The following CHRNA9 variants were observed in gnomAD, a reference collection of about 807,000 sequenced individuals.
The protein encoded by CHRNA9 is cholinergic receptor nicotinic alpha 9 subunit, also known as neuronal acetylcholine receptor subunit alpha-9.
Under a neutral mutation model 36.8 loss-of-function variants are expected in CHRNA9, and 24 were observed. That is an observed-to-expected ratio of 0.65 (90% CI 0.47 to 0.92). CHRNA9 has a LOEUF of 0.92. Among genes scored for constraint, CHRNA9 ranks in the 40% least tolerant of loss-of-function variants. CHRNA9 has a pLI of 0.00. For missense variants in CHRNA9, 610 were observed against 601.2 expected (o/e 1.01, Z -0.15); for synonymous variants, 231 against 231.8 (o/e 1.00, Z 0.03).
chr4:40,336,611 A>G (rs1560314711), intron 2 of CHRNA9, among the ~76,000 whole-genome samples: 1 of 151,490 alleles, frequency 6.6e-6, no homozygotes, highest in Admixed American at 6.6e-5. Context: ...TGAGTAGCTG[A>G]GACTACAGGC....
At chr4:40,338,317 G>GATTCCATGGGTGTGGGGTA (rs1331299339) in intron 3 of CHRNA9, 3 of 152,228 alleles carry the variant, frequency 2.0e-5, no homozygotes, top group Admixed American at 2.0e-4. Flanking sequence ...TACAGATTGT[G>GATTCCATGGGTGTGGGGTA]ATTCCATGGG....
At chr4:40,339,628 A>G (rs111775125) in intron 3 of CHRNA9, among the ~76,000 whole-genome samples, 5,022 of 144,074 alleles carry the variant, frequency 0.035, 309 homozygotes, top group African/African-American at 0.13. Flanking sequence ...ATCGCGCTCC[A>G]GTCCAGCCTG....
intron 3 of CHRNA9, 136 bp from the exon 4 acceptor site, chr4:40,348,746 T>C (rs10029872): frequency 0.52 from 395,225 of 752,974 alleles, 107,521 homozygotes; most frequent in East Asian, 0.8. Flanking sequence ...ATTCCAGACT[T>C]CCGAGCCACA....
intron 3 of CHRNA9, chr4:40,347,674 G>A (rs556248106): frequency 6.6e-6 from 1 of 152,144 alleles, no homozygotes; most frequent in South Asian, 2.1e-4. Context: ...TTCCCCTAAT[G>A]TTACCTCTTA....
chr4:40,344,266 C>G (rs144080887), intron 3 of CHRNA9, among the ~76,000 whole-genome samples: 8 of 152,276 alleles, frequency 5.3e-5, no homozygotes, highest in African/African-American at 1.7e-4. Context: ...CACGGTGGCT[C>G]GTGCCTGTAA....
chr4:40,343,506 A>G (rs769142661), intron 3 of CHRNA9, among the ~76,000 whole-genome samples: 2 of 152,132 alleles, frequency 1.3e-5, no homozygotes, highest in Non-Finnish European at 2.9e-5. Context: ...CCCATGATTC[A>G]ATTACCTCCC....
rs1712315071 is a variant in CHRNA9, at chr4:40,336,250, AAG to A, written c.210+281_210+282del. Among the ~76,000 whole-genome samples the A allele has an allele frequency of 2.0e-5, 3 of 152,222 alleles. No individual in the cohort carries two copies. The South Asian group carries it at 6.2e-4, about 31-fold the overall frequency. ...GCAGCCATTTATATAAAATGTCCAA[AAG>A]AGGTAAATCCGTAGAGACAGAAAAC... is the stretch of plus-strand genomic sequence containing the variant. On this transcript the variant is annotated intron_variant, in intron 2 of 4. Transcript: ENST00000310169.
intron 2 of CHRNA9, 113 bp downstream of exon 2, chr4:40,336,085 G>A: frequency 1.2e-6 from 1 of 868,910 alleles, no homozygotes; most frequent in Non-Finnish European, 1.8e-6. Context: ...AGCTCCTTAA[G>A]CAAGCTGGTG....
Position 40,349,244 on chromosome 4 carries a change from A to G in CHRNA9, c.728A>G (p.Asn243Ser), listed in dbSNP as rs1302141640. The G allele has an allele frequency of 1.2e-6, 2 of 1,613,996 alleles. No homozygotes were observed. The highest frequency in any genetic ancestry group is 2.2e-5 in the East Asian group (1 of 44,886). ...AGGAGGTCCTCGTTCTATATCGTCA[A>G]CCTCCTCATCCCATGCGTCCTCATA... ...LKRRSSFYIV[N>S]LLIPCVLISF... Residue 243 changes from asparagine (N) to serine (S), a missense_variant, in exon 4 of 5, where the codon AAC (asparagine) becomes AGC (serine). By Grantham distance (46) the Asn-to-Ser change is conservative. Transcript: ENST00000310169.
At chr4:40,346,649 C>T (rs967584736) in intron 3 of CHRNA9, among the ~76,000 whole-genome samples, 8 of 152,030 alleles carry the variant, frequency 5.3e-5, no homozygotes, top group African/African-American at 1.4e-4. Context: ...GTTATCTTCG[C>T]GAACACTCAC....
At chr4:40,340,166 A>G (rs902261727) in intron 3 of CHRNA9, among the ~76,000 whole-genome samples, 4 of 152,146 alleles carry the variant, frequency 2.6e-5, no homozygotes, top group African/African-American at 9.7e-5. Flanking sequence ...AGTTCACACA[A>G]GCCTAGTGTG....
chr4:40,337,333 G>T lies in CHRNA9; in HGVS notation c.334G>T (p.Val112Leu), dbSNP rs757109316. Reference protein sequence around the residue: ...LDSIRIPSDLVWRPDIVLYNK... With the variant: ...LDSIRIPSDLLWRPDIVLYNK... ...CTCCATCAGGATCCCCAGTGACCTCGTGTGGAGGCCAGACATCGTCTTATA... is the reference window on the plus strand; with the variant it reads ...CTCCATCAGGATCCCCAGTGACCTCTTGTGGAGGCCAGACATCGTCTTATA... The change falls in exon 3 of 5, where the codon GTG becomes TTG. Residue 112 changes from valine (V) to leucine (L), a missense_variant. Coordinates refer to ENST00000310169, the MANE Select transcript of CHRNA9 (RefSeq NM_017581.4). 6 of 1,614,100 alleles carry T rather than the reference G, an allele frequency of 3.7e-6. No individual in the cohort carries two copies. The highest frequency in any genetic ancestry group is 4.2e-6 in the Non-Finnish European group (5 of 1,180,024).
chr4:40,341,037 T>G (rs1266415003), intron 3 of CHRNA9, among the ~76,000 whole-genome samples: 1 of 116,774 alleles, frequency 8.6e-6, no homozygotes, highest in Admixed American at 8.8e-5. Flanking sequence ...TCCCAAGAAA[T>G]AGTGAGCTTT....
In CHRNA9 at chr4:40,354,179, C is replaced by T. The variant is rs749659058; in HGVS notation, c.1099C>T (p.Arg367Trp). ...SCLSPHHSRERDHLTKVYSKL... is the reference protein window; with the variant it reads ...SCLSPHHSREWDHLTKVYSKL... ...CCTCAGCCCGCACCACAGTAGAGAG[C>T]GGGACCACCTCACGAAAGTTTATAG... Residue 367 changes from arginine to tryptophan, a missense_variant, in exon 5 of 5, where the codon CGG (arginine) becomes TGG (tryptophan). Arg to Trp is a moderately radical substitution (Grantham distance 101). Transcript: ENST00000310169. 33 of 1,613,980 alleles carry T rather than the reference C, an allele frequency of 2.0e-5. No homozygotes were observed. Among genetic ancestry groups the T allele is most frequent in the South Asian group, 7.7e-5 (7 of 91,080 alleles).
In CHRNA9 at chr4:40,335,550, G is replaced by A. The variant is rs772312620; in HGVS notation, c.64+19G>A. ...CTGAGAGGTGAGAGGCTGGTGACAC[G>A]TAACCTATCTTGTCTCATCTGGGGC... On this transcript the variant is annotated intron_variant, in intron 1 of 4. Coordinates refer to ENST00000310169, the MANE Select transcript of CHRNA9 (RefSeq NM_017581.4). 8.8e-6 allele frequency: 14 copies of A among 1,586,496 alleles called. No individual in the cohort carries two copies. Among genetic ancestry groups the A allele is most frequent in the African/African-American group, 2.7e-5 (2 of 74,498 alleles).
At chr4:40,344,893 C>T (rs1264652131) in intron 3 of CHRNA9, among the ~76,000 whole-genome samples, 3 of 152,194 alleles carry the variant, frequency 2.0e-5, no homozygotes, top group Non-Finnish European at 4.4e-5. Context: ...GGAAAGATAT[C>T]TGACTGGAGA....
At chr4:40,342,259 GA>G (rs36006343) in intron 3 of CHRNA9, among the ~76,000 whole-genome samples, 1 of 151,994 alleles carries the variant, frequency 6.6e-6, no homozygotes, top group Non-Finnish European at 1.5e-5. Flanking sequence ...AACAGGTTTG[GA>G]AAAAAAGAGG....
intron 3 of CHRNA9, chr4:40,338,022 G>T (rs570696660): frequency 6.6e-6 from 1 of 152,044 alleles, no homozygotes; most frequent in African/African-American, 2.4e-5. Context: ...GAGTGTTGGG[G>T]GCTAAGACTT....
chr4:40,351,667 C>A (rs1247222571), intron 4 of CHRNA9, among the ~76,000 whole-genome samples: 1 of 152,188 alleles, frequency 6.6e-6, no homozygotes, highest in Non-Finnish European at 1.5e-5. Flanking sequence ...AGAAAGGTCT[C>A]ATATATTAAC....
Sources: allele counts gnomAD v4.1 joint callset (sites outside exome capture counted in the v4.1 genomes callset), GRCh38; gene constraint gnomAD v4.1.1; transcripts MANE v1.5; gene names NCBI Gene and HGNC (gene_info 2026-07-23, HGNC 2026-07-21).